MRPS6: variants seen among roughly 807,000 people sequenced by gnomAD.
The protein encoded by MRPS6 is small ribosomal subunit protein bS6m.
In MRPS6, 6 loss-of-function variants were observed where a neutral mutation model predicts 13.1. The ratio of observed to expected loss-of-function variants is 0.46; its 90% CI spans 0.25 to 0.91. The LOEUF is 0.91. Among genes scored for constraint, MRPS6 ranks in the 40% least tolerant of loss-of-function variants. The pLI, the probability that MRPS6 is intolerant of heterozygous loss-of-function variation, is 0.18. For synonymous variants in MRPS6, 61 were observed against 56.5 expected (o/e 1.08, Z -0.36); for missense variants, 164 against 155.6 (o/e 1.05, Z -0.29).
At chr21:34,085,881 T>C (rs978835832) in intron 1 of MRPS6, among the ~76,000 whole-genome samples, 27 of 152,134 alleles carry the variant, frequency 1.8e-4, no homozygotes, top group African/African-American at 4.8e-4. Flanking sequence ...GGATTACAGG[T>C]GTGAGCCACT....
At position 34,125,387 on chromosome 21, in the gene MRPS6, A is replaced by G. The variant is rs1390804560; in HGVS notation, c.92A>G (p.Asp31Gly). ...AAACGTACGATAGAGGCCCTGATGG[A>G]CAGAGGAGCAATAGTGAGGGACTTG... is the stretch of plus-strand genomic sequence containing the variant. ...TLKRTIEALM[D>G]RGAIVRDLEN... Residue 31 changes from aspartate to glycine, a missense_variant, in exon 2 of 3, where the codon GAC (aspartate) becomes GGC (glycine). Transcript: ENST00000399312. 4 of 1,614,038 alleles carry G rather than the reference A, an allele frequency of 2.5e-6. No individual in the cohort carries two copies. The highest frequency in any genetic ancestry group is 3.4e-6 in the Non-Finnish European group (4 of 1,179,930).
At position 34,125,618 on chromosome 21, in the gene MRPS6, G is replaced by C. The variant is rs1181197675; in HGVS notation, c.185+138G>C. The C allele has an allele frequency of 1.7e-5, 22 of 1,301,402 alleles. No homozygotes were observed. In the South Asian group the frequency reaches 2.6e-4, roughly 16 times the overall value. 80.6% of individuals were successfully genotyped at this position (1,301,402 alleles called of 1,614,324 possible). On this transcript the variant is annotated intron_variant, in intron 2 of 2. Transcript: ENST00000399312. ...AGGTGTCCTTTGGGTACACACTCTGGCAGTCTTGTGTTGCAGATGGGATGT... is the reference window on the plus strand; with the variant it reads ...AGGTGTCCTTTGGGTACACACTCTGCCAGTCTTGTGTTGCAGATGGGATGT...
In MRPS6 at chr21:34,092,482, T is replaced by C. The variant is rs1374357538; in HGVS notation, c.45+18737T>C. 2.0e-5 allele frequency among the ~76,000 whole-genome samples: 3 copies of C among 152,248 alleles called. No individual in the cohort carries two copies. The East Asian group carries it at 5.8e-4, about 29-fold the overall frequency. On this transcript the variant is annotated intron_variant, in intron 1 of 2. Coordinates refer to ENST00000399312, the MANE Select transcript of MRPS6 (RefSeq NM_032476.4). Reference sequence around the variant, plus strand: ...TGAGAATTCAGCCTTGAGCTAGTGTTAGGGTACTATTTGGTACCTCTCCTG... The same window carrying C: ...TGAGAATTCAGCCTTGAGCTAGTGTCAGGGTACTATTTGGTACCTCTCCTG...
At chr21:34,133,627 A>T (rs1179657408) in intron 2 of MRPS6, among the ~76,000 whole-genome samples, 1 of 152,200 alleles carries the variant, frequency 6.6e-6, no homozygotes, top group Non-Finnish European at 1.5e-5. Flanking sequence ...AGGGAGGGGC[A>T]TGGAGCACTC....
chr21:34,089,547 G>A (rs939833403), intron 1 of MRPS6, among the ~76,000 whole-genome samples: 1 of 152,034 alleles, frequency 6.6e-6, no homozygotes, highest in African/African-American at 2.4e-5. Flanking sequence ...ATATATCTTG[G>A]GCGGAGTGTA....
At chr21:34,091,813 C>CT (rs1978708833) in intron 1 of MRPS6, among the ~76,000 whole-genome samples, 1 of 152,172 alleles carries the variant, frequency 6.6e-6, no homozygotes, top group African/African-American at 2.4e-5. Context: ...CACTAGGGGA[C>CT]TGTTTCTTTT....
chr21:34,077,114 G>C (rs1438149214), intron 1 of MRPS6, among the ~76,000 whole-genome samples: 1 of 152,222 alleles, frequency 6.6e-6, no homozygotes, highest in Admixed American at 6.5e-5. Flanking sequence ...TGTGTTTGGT[G>C]AGTGAGCTCT....
At chr21:34,101,292 A>G (rs1602936626) in intron 1 of MRPS6, 1 of 1,000,230 alleles carries the variant, frequency 1.0e-6, no homozygotes, top group Middle Eastern at 5.2e-4. Context: ...TCCTCCCCAT[A>G]TAAATCAGGG....
chr21:34,082,831 A>G (rs534389246), intron 1 of MRPS6, among the ~76,000 whole-genome samples: 44 of 152,262 alleles, frequency 2.9e-4, no homozygotes, highest in African/African-American at 1.0e-3. Flanking sequence ...TTTTGGCCCA[A>G]GGTGTAATTG....
rs1473139861 is a variant in MRPS6, at chr21:34,074,544, A to G, written c.45+799A>G. On this transcript the variant is annotated intron_variant, in intron 1 of 2. Coordinates refer to ENST00000399312, the MANE Select transcript of MRPS6 (RefSeq NM_032476.4). ...GCCCCTTTCAGGTGACGGCGTGGCC[A>G]AGGACAGGGGCCCGCGGCCCGGAGG... Among the ~76,000 whole-genome samples the G allele has an allele frequency of 9.9e-5, 15 of 152,156 alleles. No homozygotes were observed. The East Asian group carries it at 2.9e-3, about 29-fold the overall frequency.
At chr21:34,077,283 T>TAC (rs1189894863) in intron 1 of MRPS6, among the ~76,000 whole-genome samples, 1 of 152,234 alleles carries the variant, frequency 6.6e-6, no homozygotes, top group East Asian at 1.9e-4. Context: ...AATGAAACTT[T>TAC]GTAGACACTT....
At chr21:34,092,774 C>G (rs543336126) in intron 1 of MRPS6, among the ~76,000 whole-genome samples, 1 of 152,162 alleles carries the variant, frequency 6.6e-6, no homozygotes, top group East Asian at 1.9e-4. Context: ...TCCCCCCCAA[C>G]GGCCAGATGA....
rs551150288 is a variant in MRPS6 at position 34,093,921 on chromosome 21, TAATA to T, written c.45+20180_45+20183del. On this transcript the variant is annotated intron_variant, in intron 1 of 2. Transcript: ENST00000399312. ...TTTTGTTGAGGTTTGGCGGACATAA[TAATA>T]AATCATTTTTTAGTCTTCTGAAAAC... 4.4e-3 allele frequency among the ~76,000 whole-genome samples: 673 copies of T among 152,326 alleles called. 7 individuals are homozygous for T. Among genetic ancestry groups the T allele is most frequent in the African/African-American group, 0.015 (639 of 41,566 alleles).
chr21:34,115,684 A>G (rs573759768), intron 1 of MRPS6, among the ~76,000 whole-genome samples: 1 of 152,246 alleles, frequency 6.6e-6, no homozygotes, highest in East Asian at 1.9e-4. Flanking sequence ...AGAATTTACA[A>G]ATTATGGTAT....
At chr21:34,095,933 A>G (rs769899447) in intron 1 of MRPS6, 2 of 1,614,140 alleles carry the variant, frequency 1.2e-6, no homozygotes, top group South Asian at 1.1e-5. Context: ...CCCCTAAGAA[A>G]GAAGCCCTGA....
At chr21:34,074,659 T>C (rs1989281414) in intron 1 of MRPS6, among the ~76,000 whole-genome samples, 1 of 152,170 alleles carries the variant, frequency 6.6e-6, no homozygotes. Flanking sequence ...TTCGGTAACG[T>C]AGTTTGGTGT....
intron 1 of MRPS6, among the ~76,000 whole-genome samples, chr21:34,092,634 A>G (rs1978761097): frequency 6.6e-6 from 1 of 152,244 alleles, no homozygotes; most frequent in Admixed American, 6.5e-5. Flanking sequence ...AGATTTGACA[A>G]TGAAGAACAA....
chr21:34,137,739 T>G (rs555751988), intron 2 of MRPS6, among the ~76,000 whole-genome samples: 5 of 152,250 alleles, frequency 3.3e-5, no homozygotes, highest in Non-Finnish European at 5.9e-5. Context: ...AAGATGCTCT[T>G]TATAAGTTTG....
chr21:34,119,409 T>C (rs73899977), intron 1 of MRPS6, among the ~76,000 whole-genome samples: 2,104 of 152,298 alleles, frequency 0.014, 53 homozygotes, highest in African/African-American at 0.047. Context: ...TTTGAAAATT[T>C]AAATTGCAAG....
Sources: gnomAD v4.1 joint callset for allele counts (sites outside exome capture counted in the v4.1 genomes callset) on GRCh38, gnomAD v4.1.1 for gene constraint, MANE v1.5 for transcripts, NCBI Gene and HGNC (gene_info 2026-07-23, HGNC 2026-07-21) for gene names.